The following LUZP4 variants were observed in gnomAD, a reference collection of about 807,000 sequenced individuals.
LUZP4 encodes the protein HOM-TES-85 tumor antigen.
Under a neutral mutation model 8.5 loss-of-function variants are expected in LUZP4, and 11 were observed. That is an observed-to-expected ratio of 1.30 (90% CI 0.82 to 2.14). The LOEUF is 2.14. Ranked by LOEUF, LUZP4 falls within the 30% of genes most tolerant of loss-of-function variation. LUZP4 has a pLI of 0.00. For synonymous variants in LUZP4, 104 were observed against 79.4 expected, an observed-to-expected ratio of 1.31 and a Z score of -1.65; for missense variants, 276 against 229.7, an observed-to-expected ratio of 1.20 and a Z score of -1.30.
Position 115,289,720 on chromosome X carries a change from C to T in LUZP4, c.-40C>T, listed in dbSNP as rs1355506094. Reference sequence around the variant, plus strand: ...CTGCGCGGTGAGGGGGTGGTACACGCGCCCTACCTCGGAGTGTGTGGCGCC... The same window carrying T: ...CTGCGCGGTGAGGGGGTGGTACACGTGCCCTACCTCGGAGTGTGTGGCGCC... On this transcript the variant is annotated 5_prime_UTR_variant, in exon 1 of 4. Coordinates refer to ENST00000371920, the MANE Select transcript of LUZP4 (RefSeq NM_016383.5). 30 of 1,029,541 alleles carry T rather than the reference C, an allele frequency of 2.9e-5. No individual in the cohort carries two copies. The highest frequency in any genetic ancestry group is 3.7e-5 in the Non-Finnish European group (27 of 733,484). The allele number at this position is 1,029,541 out of a possible 1,213,427, so 84.8% of individuals were successfully genotyped here.
At chrX:115,298,590 G>T (rs1368797973) in intron 1 of LUZP4, among the ~76,000 whole-genome samples, 2 of 112,448 alleles carry the variant, frequency 1.8e-5, no homozygotes, top group African/African-American at 6.5e-5. Flanking sequence ...AAAGGACTCT[G>T]CATTCTTCAG....
At chrX:115,306,105 G>T in intron 3 of LUZP4, 100 bp from the exon 4 acceptor site, 1 of 883,669 alleles carries the variant, frequency 1.1e-6, no homozygotes, top group Non-Finnish European at 1.6e-6. Flanking sequence ...AATTCTAAAA[G>T]AAATAGTTGC....
chrX:115,306,913 T>G lies in LUZP4; in HGVS notation c.*109T>G. On this transcript the variant is annotated 3_prime_UTR_variant, in exon 4 of 4. Transcript: ENST00000371920. Reference sequence around the variant, plus strand: ...ATGTATATTGGGACAAAGACATAAATATTAGAATGGAGGTAATACATACAT... The same window carrying G: ...ATGTATATTGGGACAAAGACATAAAGATTAGAATGGAGGTAATACATACAT... The G allele has an allele frequency of 1.4e-6, 1 of 727,520 alleles. No homozygotes were observed. Among genetic ancestry groups the G allele is most frequent in the Non-Finnish European group, 2.1e-6 (1 of 486,828 alleles). The allele number at this position is 727,520 out of a possible 1,213,427, so 60.0% of individuals were successfully genotyped here.
chrX:115,299,935 T>C (rs1436270197), intron 1 of LUZP4, among the ~76,000 whole-genome samples: 2 of 112,049 alleles, frequency 1.8e-5, no homozygotes, highest in Admixed American at 1.9e-4. Flanking sequence ...GGTCCTTTCC[T>C]TCAAGGCAGT....
In LUZP4 at chrX:115,290,168, C is replaced by G. The variant is rs781918469; in HGVS notation, c.91+318C>G. ...GGCGGAGAAAATAGACCGCTATTAA[C>G]GTGTATTTTACTCTCCTAAGAATTG... On this transcript the variant is annotated intron_variant, in intron 1 of 3. Transcript: ENST00000371920. Among the ~76,000 whole-genome samples the G allele has an allele frequency of 7.2e-5, 8 of 111,374 alleles. No homozygotes were observed. In the South Asian group the frequency reaches 3.1e-3, roughly 43 times the overall value.
Position 115,307,015 on chromosome X carries a change from G to T in LUZP4, c.*211G>T. The T allele has an allele frequency of 2.4e-6, 1 of 424,476 alleles. No homozygotes were observed. The highest frequency in any genetic ancestry group is 4.1e-6 in the Non-Finnish European group (1 of 246,790). The allele number at this position is 424,476 out of a possible 1,213,427, so 35.0% of individuals were successfully genotyped here. On this transcript the variant is annotated 3_prime_UTR_variant, in exon 4 of 4. Coordinates refer to ENST00000371920, the MANE Select transcript of LUZP4 (RefSeq NM_016383.5). ...CAGGATGTCCCATTAAGTTGTTCCCGGTAGGTCTGCTTTCCCTGGAAGAGC... is the reference window on the plus strand; with the variant it reads ...CAGGATGTCCCATTAAGTTGTTCCCTGTAGGTCTGCTTTCCCTGGAAGAGC...
chrX:115,289,991 G>A (rs960812734), intron 1 of LUZP4, 141 bp downstream of exon 1: 2 of 419,987 alleles, frequency 4.8e-6, no homozygotes, highest in African/African-American at 2.5e-5. Context: ...GGGCATCTCC[G>A]CACCTGCCCC....
At chrX:115,296,596 G>A (rs1426919474) in intron 1 of LUZP4, among the ~76,000 whole-genome samples, 1 of 111,657 alleles carries the variant, frequency 9.0e-6, no homozygotes, top group Admixed American at 9.5e-5. Flanking sequence ...AGGGCGTTTA[G>A]ACAGCTTACC....
chrX:115,307,257 C>G lies in LUZP4; in HGVS notation c.*453C>G, dbSNP rs781908723. ...TTTTGTGTCTCCTTCCTAAGCCATC[C>G]TCAGAGAGTCCTTAGCAGACAAATG... On this transcript the variant is annotated 3_prime_UTR_variant, in exon 4 of 4. Coordinates refer to ENST00000371920, the MANE Select transcript of LUZP4 (RefSeq NM_016383.5). The G allele has an allele frequency of 7.4e-6, 1 of 134,685 alleles. No individual in the cohort carries two copies. The highest frequency in any genetic ancestry group is 3.1e-5 in the African/African-American group (1 of 32,038). 11.1% of individuals were successfully genotyped at this position (134,685 alleles called of 1,213,427 possible).
intron 1 of LUZP4, among the ~76,000 whole-genome samples, chrX:115,299,127 C>T (rs782174920): frequency 3.6e-5 from 4 of 111,420 alleles, no homozygotes; most frequent in East Asian, 5.7e-4. Context: ...TTGTTCTTTT[C>T]CCTTATTTTC....
rs1362255642 is a variant in LUZP4, at chrX:115,306,602, C to T, written c.740C>T (p.Ala247Val). 1 of 1,206,285 alleles carries T rather than the reference C, an allele frequency of 8.3e-7. No homozygotes were observed. The highest frequency in any genetic ancestry group is 1.1e-6 in the Non-Finnish European group (1 of 894,372). ...GTGGACACTCAGAGTGATCTCATAGCCACTCAGAGAGATCTCATAGCCACT... is the reference window on the plus strand; with the variant it reads ...GTGGACACTCAGAGTGATCTCATAGTCACTCAGAGAGATCTCATAGCCACT... ...DLVDTQSDLI[A>V]TQRDLIATQK... The change falls in exon 4 of 4, where the codon GCC (alanine) becomes GTC (valine). Residue 247 changes from alanine (A) to valine (V), a missense_variant. By Grantham distance (64) the Ala-to-Val change is moderately conservative. Transcript: ENST00000371920.
At chrX:115,297,133 GTTA>G (rs2073374097) in intron 1 of LUZP4, among the ~76,000 whole-genome samples, 2 of 111,578 alleles carry the variant, frequency 1.8e-5, no homozygotes, top group South Asian at 7.5e-4. Context: ...AAAACATATA[GTTA>G]TTATTGACTA....
chrX:115,301,877 G>A, intron 1 of LUZP4, 115 bp from the exon 2 acceptor site: 1 of 378,278 alleles, frequency 2.6e-6, no homozygotes, highest in Admixed American at 5.3e-5. Flanking sequence ...ATCATTTTTA[G>A]GGCTACCAGT....
Position 115,306,656 on chromosome X carries a change from A to G in LUZP4, c.794A>G (p.Asp265Gly). ...AAAGATCTCATAGCCACTCAGAGAG[A>G]TCTCATAGCCACTCAGAGAGATCTC... ...TQKDLIATQRDLIATQRDLIV... is the reference protein window; with the variant it reads ...TQKDLIATQRGLIATQRDLIV... The change falls in exon 4 of 4, where the codon GAT becomes GGT. Residue 265 changes from aspartate to glycine, a missense_variant. By Grantham distance (94) the Asp-to-Gly change is moderately conservative. Coordinates refer to ENST00000371920, the MANE Select transcript of LUZP4 (RefSeq NM_016383.5). 8.3e-7 allele frequency: 1 copy of G among 1,211,305 alleles called. No homozygotes were observed. The highest frequency in any genetic ancestry group is 1.1e-6 in the Non-Finnish European group (1 of 895,417).
Position 115,306,585 on chromosome X carries a change from TC to T in LUZP4, c.724del (p.Gln242ArgfsTer5). On this transcript the variant is annotated frameshift_variant, in exon 4 of 4. Transcript: ENST00000371920. LOFTEE classifies it low-confidence loss of function (END_TRUNC). ...SRSQGDLVDT[Q>X]SDLIATQRDL... ...GTAGCCAGGGAGATCTTGTGGACAC[TC>T]AGAGTGATCTCATAGCCACTCAGAG... 8.3e-7 allele frequency: 1 copy of T among 1,209,155 alleles called. No individual in the cohort carries two copies. The highest frequency in any genetic ancestry group is 1.1e-6 in the Non-Finnish European group (1 of 895,162).
rs2073405592 is a variant in LUZP4 at position 115,303,226 on chromosome X, G to A, written c.224-74G>A. ...CCAGTGCATAGCCTTAAAAAAATGA[G>A]ATCAGAGATAATACTTCTGAAAGAT... On this transcript the variant is annotated intron_variant, in intron 2 of 3. Transcript: ENST00000371920. 4 of 571,829 alleles carry A rather than the reference G, an allele frequency of 7.0e-6. No homozygotes were observed. The South Asian group carries it at 1.5e-4, about 21-fold the overall frequency. The allele number at this position is 571,829 out of a possible 1,213,427, so 47.1% of individuals were successfully genotyped here. A position where few individuals can be genotyped will look rare whatever the true frequency, so the allele number is the denominator to read the frequency against.
Position 115,302,112 on chromosome X carries a change from G to A in LUZP4, c.212G>A (p.Arg71His), listed in dbSNP as rs936115318. ...SRQQSKAHRH[R>H]HRRGYSRCRS... Reference sequence around the variant, plus strand: ...CAGCAATCAAAAGCTCATAGACATCGCCATCGGAGAGGTAAAGTATGCTGA... The same window carrying A: ...CAGCAATCAAAAGCTCATAGACATCACCATCGGAGAGGTAAAGTATGCTGA... Residue 71 changes from arginine to histidine, a missense_variant, in exon 2 of 4, where the codon CGC (arginine) becomes CAC (histidine). Arg to His is a conservative substitution (Grantham distance 29). Transcript: ENST00000371920. 4 of 1,183,298 alleles carry A rather than the reference G, an allele frequency of 3.4e-6. No homozygotes were observed. The highest frequency in any genetic ancestry group is 2.4e-4 in the Middle Eastern group (1 of 4,254).
intron 1 of LUZP4, among the ~76,000 whole-genome samples, chrX:115,298,859 G>C (rs1556600245): frequency 9.0e-6 from 1 of 111,417 alleles, no homozygotes; most frequent in Non-Finnish European, 1.9e-5. Flanking sequence ...GATACTAGTA[G>C]ATGTTCTTCA....
Position 115,303,361 on chromosome X carries a change from A to T in LUZP4, c.285A>T (p.Lys95Asn), listed in dbSNP as rs1280671912. Residue 95 changes from lysine (K) to asparagine (N), a missense_variant, in exon 3 of 4, where the codon AAA becomes AAT. Transcript: ENST00000371920. ...ATCATGATAAAAAACCATCCCAAAA[A>T]CCTTCTGGATTCAAGTCTGGACAAC... ...EGNHDKKPSQ[K>N]PSGFKSGQHP... is the part of the protein sequence containing the mutation. 1 of 1,198,466 alleles carries T rather than the reference A, an allele frequency of 8.3e-7. No individual in the cohort carries two copies. Among genetic ancestry groups the T allele is most frequent in the Non-Finnish European group, 1.1e-6 (1 of 889,428 alleles).
Sources: allele counts gnomAD v4.1 joint callset (sites outside exome capture counted in the v4.1 genomes callset), GRCh38; gene constraint gnomAD v4.1.1; transcripts MANE v1.5; gene names NCBI Gene and HGNC (gene_info 2026-07-23, HGNC 2026-07-21).